GALM: variants seen among roughly 807,000 people sequenced by gnomAD.
The protein encoded by GALM is aldose 1-epimerase.
GALM carries 43 observed loss-of-function variants against 37.4 expected under a neutral mutation model. The observed-to-expected ratio is 1.15, with a 90% CI of 0.90 to 1.48. The LOEUF is 1.48. GALM is among the 40% of genes most tolerant of loss of function. The pLI, the probability that GALM is intolerant of heterozygous loss-of-function variation, is 0.00. For synonymous variants in GALM, 199 were observed against 170.6 expected, an observed-to-expected ratio of 1.17 and a Z score of -1.30; for missense variants, 456 against 419.1, an observed-to-expected ratio of 1.09 and a Z score of -0.77.
At chr2:38,726,230 A>AT (rs368564868) in intron 4 of GALM, among the ~76,000 whole-genome samples, 20 of 126,246 alleles carry the variant, frequency 1.6e-4, no homozygotes, top group Non-Finnish European at 2.5e-4. Flanking sequence ...TTTTTTTTTT[A>AT]TTTTTTTTTT....
chr2:38,674,641 ACTCT>A (rs1268207750), intron 1 of GALM, among the ~76,000 whole-genome samples: 4 of 152,000 alleles, frequency 2.6e-5, no homozygotes, highest in Admixed American at 2.6e-4. Context: ...GTATTACCTA[ACTCT>A]CTCTAAAGGA....
chr2:38,711,868 A>C (rs1666178149), intron 4 of GALM, among the ~76,000 whole-genome samples: 1 of 148,242 alleles, frequency 6.7e-6, no homozygotes, highest in Non-Finnish European at 1.5e-5. Context: ...CATCATCATC[A>C]TCAACATCAT....
intron 4 of GALM, among the ~76,000 whole-genome samples, chr2:38,704,443 G>A (rs904128838): frequency 1.3e-5 from 2 of 152,080 alleles, no homozygotes; most frequent in African/African-American, 4.8e-5. Flanking sequence ...GCTAAGGCGG[G>A]AGGATTGATT....
chr2:38,666,385 C>G (rs752888684), intron 1 of GALM, 34 bp downstream of exon 1: 10 of 1,517,638 alleles, frequency 6.6e-6, no homozygotes, highest in Non-Finnish European at 9.0e-6. Flanking sequence ...TGCGAGCAGG[C>G]CCCAGGCCCA....
Position 38,689,888 on chromosome 2 carries a change from C to T in GALM, c.628C>T (p.Pro210Ser), listed in dbSNP as rs747997001. The change falls in exon 4 of 7, where the codon CCT becomes TCT. Residue 210 changes from proline (P) to serine (S), a missense_variant. Coordinates refer to ENST00000272252, the MANE Select transcript of GALM (RefSeq NM_138801.3). ...TTTGCCTGTGGATGAAACCCTGATTCCTACAGGTTGGTGAATTTAACCTTT... is the reference window on the plus strand; with the variant it reads ...TTTGCCTGTGGATGAAACCCTGATTTCTACAGGTTGGTGAATTTAACCTTT... ...TYLPVDETLI[P>S]TGEVAPVQGT... The T allele has an allele frequency of 1.5e-5, 24 of 1,598,484 alleles. No homozygotes were observed. The highest frequency in any genetic ancestry group is 1.9e-5 in the Non-Finnish European group (22 of 1,167,076).
At chr2:38,714,303 C>T (rs1307857705) in intron 4 of GALM, among the ~76,000 whole-genome samples, 1 of 151,334 alleles carries the variant, frequency 6.6e-6, no homozygotes, top group Non-Finnish European at 1.5e-5. Context: ...CAACCTCTGC[C>T]TCCCAGGCTC....
chr2:38,730,739 G>A (rs1666590691), intron 5 of GALM, among the ~76,000 whole-genome samples: 2 of 151,776 alleles, frequency 1.3e-5, no homozygotes, highest in East Asian at 2.0e-4. Context: ...TCGCCAACAT[G>A]GTGAAACGCC....
At chr2:38,721,656 G>T (rs1666377704) in intron 4 of GALM, among the ~76,000 whole-genome samples, 1 of 152,044 alleles carries the variant, frequency 6.6e-6, no homozygotes, top group Non-Finnish European at 1.5e-5. Context: ...TGGGATCACA[G>T]GTGTGCACCA....
intron 4 of GALM, among the ~76,000 whole-genome samples, chr2:38,725,706 C>CT (rs749292065): frequency 1.6e-4 from 24 of 151,822 alleles, no homozygotes; most frequent in African/African-American, 4.3e-4. Context: ...CATTTCTTTT[C>CT]TTTTTTTTGT....
intron 5 of GALM, 54 bp downstream of exon 5, chr2:38,729,751 A>C: frequency 6.7e-7 from 1 of 1,491,654 alleles, no homozygotes; most frequent in Non-Finnish European, 9.3e-7. Flanking sequence ...ACCAAGTCCT[A>C]TTTTCCTTTG....
At chr2:38,666,402 A>C in intron 1 of GALM, 51 bp downstream of exon 1, 1 of 1,384,678 alleles carries the variant, frequency 7.2e-7, no homozygotes, top group Non-Finnish European at 9.9e-7. Flanking sequence ...CCCACGCTAC[A>C]TACCTCCCGG....
intron 3 of GALM, among the ~76,000 whole-genome samples, chr2:38,687,214 G>C (rs1665560011): frequency 6.6e-6 from 1 of 152,254 alleles, no homozygotes; most frequent in Non-Finnish European, 1.5e-5. Context: ...GCAGGAGAGA[G>C]AGCCGCACAG....
At chr2:38,714,794 C>T (rs550316509) in intron 4 of GALM, among the ~76,000 whole-genome samples, 10 of 152,250 alleles carry the variant, frequency 6.6e-5, no homozygotes, top group African/African-American at 2.4e-4. Flanking sequence ...AGTATGTTTG[C>T]TTTAAAGTCA....
chr2:38,668,023 C>G (rs1039778879), intron 1 of GALM, among the ~76,000 whole-genome samples: 1 of 152,160 alleles, frequency 6.6e-6, no homozygotes, highest in Admixed American at 6.6e-5. Context: ...CTATTAGCAA[C>G]AGATCTTACC....
intron 4 of GALM, among the ~76,000 whole-genome samples, chr2:38,722,803 C>T (rs554693710): frequency 2.5e-4 from 38 of 152,198 alleles, no homozygotes; most frequent in Non-Finnish European, 4.4e-4. Flanking sequence ...GAGCAACTGT[C>T]GGGGTTGGGG....
At chr2:38,668,279 T>G (rs1420546545) in intron 1 of GALM, 1 of 152,474 alleles carries the variant, frequency 6.6e-6, no homozygotes, top group African/African-American at 2.4e-5. Flanking sequence ...CTCGAACTAC[T>G]GGCCTCAAGC....
chr2:38,731,868 T>C lies in GALM; in HGVS notation c.910T>C (p.Phe304Leu). ...AGCTGTCTATCCCAAGCACTCCGGT[T>C]TCTGCCTGGAGACTCAGAACTGGCC... ...NGAVYPKHSG[F>L]CLETQNWPDA... Residue 304 changes from phenylalanine (F) to leucine (L), a missense_variant, in exon 6 of 7, where the codon TTC (phenylalanine) becomes CTC (leucine). Physicochemically the swap from Phe to Leu is conservative, Grantham distance 22. Transcript: ENST00000272252. The C allele has an allele frequency of 6.2e-7, 1 of 1,614,170 alleles. No individual in the cohort carries two copies. The highest frequency in any genetic ancestry group is 8.5e-7 in the Non-Finnish European group (1 of 1,180,020).
chr2:38,698,484 C>A, intron 4 of GALM: 1 of 935,726 alleles, frequency 1.1e-6, no homozygotes, highest in Non-Finnish European at 1.5e-6. Context: ...TTTAGCTCTG[C>A]GTCTTCAGAG....
intron 3 of GALM, among the ~76,000 whole-genome samples, chr2:38,688,638 A>G (rs13014787): frequency 0.27 from 41,088 of 152,104 alleles, 8,338 homozygotes; most frequent in African/African-American, 0.55. Context: ...TTTCCCTTCC[A>G]CATCTTCTGG....
Sources: gnomAD v4.1 joint callset for allele counts (sites outside exome capture counted in the v4.1 genomes callset) on GRCh38, gnomAD v4.1.1 for gene constraint, MANE v1.5 for transcripts, NCBI Gene and HGNC (gene_info 2026-07-23, HGNC 2026-07-21) for gene names.